Variants in EPB41L2 observed in about 807,000 individuals in gnomAD.
EPB41L2 encodes the protein band 4.1-like protein 2.
In EPB41L2, 43 loss-of-function variants were observed where a neutral mutation model predicts 113.0. That is an observed-to-expected ratio of 0.38 (90% confidence interval 0.30 to 0.49). The LOEUF (loss-of-function observed/expected upper bound fraction) is 0.49. Among genes scored for constraint, EPB41L2 ranks in the 20% least tolerant of loss-of-function variants. The pLI is 0.95. For synonymous variants in EPB41L2, 442 were observed against 436.7 expected (o/e 1.01, Z -0.15); for missense variants, 1,147 against 1,223.4 (o/e 0.94, Z 0.93).
chr6:131,042,992 A>G (rs1468987795), intron 1 of EPB41L2, among the ~76,000 whole-genome samples: 1 of 152,184 alleles, frequency 6.6e-6, no homozygotes, highest in African/African-American at 2.4e-5. Context: ...GATTTTAAAA[A>G]TGAAGAACCA....
chr6:130,927,469 C>T (rs1349961581), intron 3 of EPB41L2, among the ~76,000 whole-genome samples: 2 of 152,138 alleles, frequency 1.3e-5, no homozygotes, highest in African/African-American at 4.8e-5. Context: ...TTAAGATGCA[C>T]ACCCCTGGAA....
At chr6:131,048,499 G>A (rs557605048) in intron 1 of EPB41L2, among the ~76,000 whole-genome samples, 2 of 152,270 alleles carry the variant, frequency 1.3e-5, no homozygotes, top group African/African-American at 4.8e-5. Flanking sequence ...CACAAAATCC[G>A]TAATAAATAT....
At chr6:130,865,731 C>T in intron 16 of EPB41L2, 97 bp from the exon 17 acceptor site, 1 of 1,280,076 alleles carries the variant, frequency 7.8e-7, no homozygotes, top group Non-Finnish European at 1.1e-6. Flanking sequence ...CTTTTAAAAT[C>T]CATGTGGTTT....
intron 19 of EPB41L2, among the ~76,000 whole-genome samples, chr6:130,850,219 C>T (rs1481500975): frequency 2.6e-5 from 4 of 152,116 alleles, no homozygotes; most frequent in Non-Finnish European, 4.4e-5. Flanking sequence ...GTCTGCGCGA[C>T]AAGAGGGAAA....
chr6:131,061,411 TAAA>T (rs1444215218), intron 1 of EPB41L2, among the ~76,000 whole-genome samples: 3 of 152,192 alleles, frequency 2.0e-5, no homozygotes. Context: ...TAAATTGAAT[TAAA>T]AGAATGACCA....
chr6:130,968,542 G>A (rs928870011), intron 1 of EPB41L2, among the ~76,000 whole-genome samples: 7 of 152,122 alleles, frequency 4.6e-5, no homozygotes, highest in Admixed American at 4.6e-4. Context: ...TAAACTGAAT[G>A]ACACTTCTAG....
intron 5 of EPB41L2, among the ~76,000 whole-genome samples, chr6:130,908,607 A>G (rs775786817): frequency 6.6e-6 from 1 of 152,234 alleles, no homozygotes; most frequent in Non-Finnish European, 1.5e-5. Flanking sequence ...TTCTGAGTGA[A>G]TATTTAGGAA....
intron 19 of EPB41L2, among the ~76,000 whole-genome samples, chr6:130,853,547 G>A (rs751409975): frequency 6.6e-6 from 1 of 152,202 alleles, no homozygotes; most frequent in Non-Finnish European, 1.5e-5. Flanking sequence ...ATTTAGTGAA[G>A]TCCTCATCTG....
rs73623449 is a variant in EPB41L2, at chr6:130,998,401, C to T, written c.-14-41902G>A. ...TGTAGGGGAAATTGGGATACACCCA[C>T]CCAAGATCAACCAAGTAACACTTGC... On this transcript the variant is annotated intron_variant, in intron 1 of 19. Transcript: ENST00000337057. Among the ~76,000 whole-genome samples the T allele has an allele frequency of 8.4e-3, 1,282 of 152,182 alleles. 28 individuals are homozygous for T. Among genetic ancestry groups the T allele is most frequent in the African/African-American group, 0.03 (1,233 of 41,510 alleles).
In EPB41L2 at chr6:130,963,036, G is replaced by A. The variant is rs71572948; in HGVS notation, c.-14-6537C>T. On this transcript the variant is annotated intron_variant, in intron 1 of 19. Coordinates refer to ENST00000337057, the MANE Select transcript of EPB41L2 (RefSeq NM_001431.4). Reference sequence around the variant, plus strand: ...GCTGTTGTCATCTTGAATCCACAGAGAAGAATAAGCCTGATGACACACTGA... The same window carrying A: ...GCTGTTGTCATCTTGAATCCACAGAAAAGAATAAGCCTGATGACACACTGA... 1.0e-3 allele frequency among the ~76,000 whole-genome samples: 153 copies of A among 152,272 alleles called. 1 individual carries two copies. The highest frequency in any genetic ancestry group is 2.1e-3 in the South Asian group (10 of 4,824).
chr6:130,979,200 GACTGGCC>G (rs1778818419), intron 1 of EPB41L2, among the ~76,000 whole-genome samples: 1 of 152,084 alleles, frequency 6.6e-6, no homozygotes, highest in Non-Finnish European at 1.5e-5. Flanking sequence ...AAAGGAAACT[GACTGGCC>G]GGGTGTGGTG....
intron 1 of EPB41L2, among the ~76,000 whole-genome samples, chr6:130,969,049 C>G (rs970211434): frequency 3.3e-5 from 5 of 152,072 alleles, no homozygotes; most frequent in Admixed American, 2.6e-4. Flanking sequence ...TGCTATGATA[C>G]TAAACTATAG....
At chr6:130,860,614 G>A (rs1010923837) in intron 18 of EPB41L2, among the ~76,000 whole-genome samples, 3 of 152,150 alleles carry the variant, frequency 2.0e-5, no homozygotes, top group African/African-American at 7.2e-5. Context: ...CTCACTGCAA[G>A]CTCCGCCTCC....
At chr6:130,840,974 C>T (rs993332958) in intron 19 of EPB41L2, among the ~76,000 whole-genome samples, 2 of 151,870 alleles carry the variant, frequency 1.3e-5, no homozygotes, top group African/African-American at 2.4e-5. Flanking sequence ...TGTGCTAAAA[C>T]GAATGGAAAT....
At chr6:130,892,125 G>A (rs573619937) in intron 10 of EPB41L2, among the ~76,000 whole-genome samples, 1 of 152,216 alleles carries the variant, frequency 6.6e-6, no homozygotes, top group East Asian at 1.9e-4. Context: ...GAGGCCTGAG[G>A]CTTTGCACAG....
chr6:130,884,745 T>C (rs1790390598), intron 12 of EPB41L2, among the ~76,000 whole-genome samples: 1 of 152,188 alleles, frequency 6.6e-6, no homozygotes, highest in Admixed American at 6.5e-5. Context: ...AGTCAATAAT[T>C]AAAATAATCA....
chr6:130,955,551 C>G (rs1389523824), intron 2 of EPB41L2, among the ~76,000 whole-genome samples: 1 of 152,140 alleles, frequency 6.6e-6, no homozygotes, highest in Non-Finnish European at 1.5e-5. Flanking sequence ...ATCAAAGAAA[C>G]TACATCCCAG....
chr6:130,985,248 C>T (rs1780264271), intron 1 of EPB41L2, among the ~76,000 whole-genome samples: 3 of 152,168 alleles, frequency 2.0e-5, no homozygotes, highest in Admixed American at 2.0e-4. Flanking sequence ...CTTTGGCCTG[C>T]TCCTCCCCCA....
intron 1 of EPB41L2, among the ~76,000 whole-genome samples, chr6:131,038,412 C>T (rs939125110): frequency 1.4e-4 from 21 of 152,204 alleles, no homozygotes; most frequent in African/African-American, 4.8e-4. Context: ...GTTGCTATCA[C>T]CATCTGGAAA....
Sources: allele counts gnomAD v4.1 joint callset (sites outside exome capture counted in the v4.1 genomes callset), GRCh38; gene constraint gnomAD v4.1.1; transcripts MANE v1.5; gene names NCBI Gene and HGNC (gene_info 2026-07-23, HGNC 2026-07-21).